MED12L: variants seen among roughly 807,000 people sequenced by gnomAD.
MED12L encodes mediator complex subunit 12L, also known as mediator of RNA polymerase II transcription subunit 12-like protein.
MED12L carries 60 observed loss-of-function variants against 281.3 expected under a neutral mutation model. That is an observed-to-expected ratio of 0.21 (90% CI 0.17 to 0.26). MED12L has a LOEUF of 0.26. Among genes scored for constraint, MED12L ranks in the 10% least tolerant of loss-of-function variants. The pLI, the probability that MED12L is intolerant of heterozygous loss-of-function variation, is 1.00. For synonymous variants in MED12L, 974 were observed against 987.2 expected (o/e 0.99, Z 0.25); for missense variants, 2,146 against 2,680.9 (o/e 0.80, Z 4.41).
intron 5 of MED12L, among the ~76,000 whole-genome samples, chr3:151,133,835 A>G (rs1276159119): frequency 6.6e-6 from 1 of 152,260 alleles, no homozygotes; most frequent in Non-Finnish European, 1.5e-5. Context: ...AAAATGAAAA[A>G]GTAAAACTCA....
At chr3:151,213,618 G>A in intron 16 of MED12L, 2 of 1,614,154 alleles carry the variant, frequency 1.2e-6, no homozygotes, top group East Asian at 2.2e-5. Context: ...TGAATATGTT[G>A]CGGCTAGATT....
At chr3:151,287,396 T>C (rs1374166962) in intron 16 of MED12L, among the ~76,000 whole-genome samples, 2 of 152,144 alleles carry the variant, frequency 1.3e-5, no homozygotes, top group Non-Finnish European at 2.9e-5. Context: ...CTGCCTTGTC[T>C]ATTTCTGGGG....
intron 2 of MED12L, among the ~76,000 whole-genome samples, chr3:151,105,750 A>G (rs2148679212): frequency 6.6e-6 from 1 of 152,208 alleles, no homozygotes; most frequent in East Asian, 1.9e-4. Flanking sequence ...CAGACAACTC[A>G]CGACTTTAAG....
rs545847807 is a variant in MED12L at position 151,416,755 on chromosome 3, T to A, written c.6408+333T>A. Among the ~76,000 whole-genome samples, 41 of 152,328 alleles carry A rather than the reference T, an allele frequency of 2.7e-4. 1 individual carries two copies. The South Asian group carries it at 8.5e-3, about 32-fold the overall frequency. ...TTTACTATGTATGTTTAAAAGAGTG[T>A]CTTACCATACTTTGATTTTTACTAT... On this transcript the variant is annotated intron_variant, in intron 43 of 44. Coordinates refer to ENST00000687756, the MANE Select transcript of MED12L (RefSeq NM_001393769.1).
intron 39 of MED12L, among the ~76,000 whole-genome samples, chr3:151,403,224 A>G (rs1487160481): frequency 1.3e-5 from 2 of 152,160 alleles, no homozygotes; most frequent in Non-Finnish European, 2.9e-5. Context: ...CACCCCTTTG[A>G]TCGCCTCATG....
Position 151,206,127 on chromosome 3 carries a change from A to G in MED12L, c.2250+12461A>G, listed in dbSNP as rs148288570. ...ATTCTTTCCCACCTGCGTTAGCCCA[A>G]AGATTTTTTTCTGTGCTCTGAGATT... On this transcript the variant is annotated intron_variant, in intron 16 of 44. Coordinates refer to ENST00000687756, the MANE Select transcript of MED12L (RefSeq NM_001393769.1). Among the ~76,000 whole-genome samples, 1,363 of 150,440 alleles carry G rather than the reference A, an allele frequency of 9.1e-3. 8 individuals are homozygous for G. Among genetic ancestry groups the G allele is most frequent in the Non-Finnish European group, 0.015 (1,037 of 67,722 alleles).
intron 42 of MED12L, among the ~76,000 whole-genome samples, chr3:151,413,590 C>T (rs1717196864): frequency 1.3e-5 from 2 of 152,154 alleles, no homozygotes; most frequent in South Asian, 4.1e-4. Context: ...CCTCAGCTTA[C>T]CCAGTCTCTG....
At chr3:151,200,213 T>C (rs1279706995) in intron 16 of MED12L, among the ~76,000 whole-genome samples, 4 of 151,870 alleles carry the variant, frequency 2.6e-5, no homozygotes, top group Non-Finnish European at 5.9e-5. Flanking sequence ...AGTCTTGTCA[T>C]GTCCCTCCCA....
chr3:151,172,526 G>A (rs1721565841), intron 11 of MED12L, among the ~76,000 whole-genome samples: 1 of 152,164 alleles, frequency 6.6e-6, no homozygotes. Flanking sequence ...AGGATCTTTT[G>A]GGCTTTTTAC....
chr3:151,348,968 A>G (rs911062291), intron 16 of MED12L, among the ~76,000 whole-genome samples: 1 of 152,240 alleles, frequency 6.6e-6, no homozygotes, highest in Non-Finnish European at 1.5e-5. Context: ...TTCTTTTCTC[A>G]TATAAGCTCC....
rs371681070 is a variant in MED12L, at chr3:151,300,371, A to G, written c.2251-49688A>G. ...CCCTCTTTCATAATTCCCTGCTGGGAGTTATGTCTTGTGGGTGACTTTGGC... is the reference window on the plus strand; with the variant it reads ...CCCTCTTTCATAATTCCCTGCTGGGGGTTATGTCTTGTGGGTGACTTTGGC... On this transcript the variant is annotated intron_variant, in intron 16 of 44. Coordinates refer to ENST00000687756, the MANE Select transcript of MED12L (RefSeq NM_001393769.1). 3.3e-4 allele frequency among the ~76,000 whole-genome samples: 50 copies of G among 152,228 alleles called. 1 individual carries two copies. Among genetic ancestry groups the G allele is most frequent in the African/African-American group, 1.2e-3 (48 of 41,536 alleles).
chr3:151,264,536 G>T (rs61159567), intron 16 of MED12L, among the ~76,000 whole-genome samples: 1 of 152,214 alleles, frequency 6.6e-6, no homozygotes, highest in Non-Finnish European at 1.5e-5. Context: ...CCATAACCCA[G>T]TATGGAGAGT....
At chr3:151,279,011 A>C (rs1271183644) in intron 16 of MED12L, among the ~76,000 whole-genome samples, 1 of 152,254 alleles carries the variant, frequency 6.6e-6, no homozygotes, top group East Asian at 1.9e-4. Context: ...GAAAGTCTTC[A>C]TATTTTTAGT....
intron 16 of MED12L, among the ~76,000 whole-genome samples, chr3:151,242,537 C>T (rs893832328): frequency 1.5e-4 from 23 of 152,206 alleles, no homozygotes; most frequent in Non-Finnish European, 2.4e-4. Context: ...GGTATTCCAA[C>T]AGACCTGCAG....
intron 33 of MED12L, 102 bp downstream of exon 33, chr3:151,382,847 T>G: frequency 1.2e-6 from 1 of 838,016 alleles, no homozygotes; most frequent in Non-Finnish European, 1.9e-6. Flanking sequence ...CATTACAAGG[T>G]GAGGCCTTCC....
intron 11 of MED12L, among the ~76,000 whole-genome samples, chr3:151,172,610 G>A (rs1721574239): frequency 6.6e-6 from 1 of 152,212 alleles, no homozygotes; most frequent in Admixed American, 6.5e-5. Flanking sequence ...TCAGGATGGG[G>A]TAGCTGCAGG....
chr3:151,178,380 G>C (rs902947697), intron 11 of MED12L, among the ~76,000 whole-genome samples: 3 of 148,980 alleles, frequency 2.0e-5, no homozygotes, highest in Non-Finnish European at 4.4e-5. Context: ...TGTGAAATGT[G>C]CATGTTACAT....
chr3:151,111,020 A>T (rs1267254241), intron 2 of MED12L, among the ~76,000 whole-genome samples: 1 of 152,202 alleles, frequency 6.6e-6, no homozygotes, highest in Admixed American at 6.5e-5. Flanking sequence ...TGTTAGAAAT[A>T]CAGATTCTCA....
chr3:151,164,993 A>T (rs1720507166), intron 9 of MED12L, among the ~76,000 whole-genome samples: 1 of 150,800 alleles, frequency 6.6e-6, no homozygotes, highest in Non-Finnish European at 1.5e-5. Context: ...CCTAAAACTT[A>T]AAGTATAATA....
Sources: allele counts gnomAD v4.1 joint callset (sites outside exome capture counted in the v4.1 genomes callset), GRCh38; gene constraint gnomAD v4.1.1; transcripts MANE v1.5; gene names NCBI Gene and HGNC (gene_info 2026-07-23, HGNC 2026-07-21).